Variants in VAV2 observed in about 807,000 individuals in gnomAD.
The protein encoded by VAV2 is guanine nucleotide exchange factor VAV2.
VAV2 carries 67 observed loss-of-function variants against 132.5 expected under a neutral mutation model. That is an observed-to-expected ratio of 0.51 (90% CI 0.42 to 0.62). VAV2 has a LOEUF of 0.62. VAV2 is among the 20% of genes least tolerant of loss of function. The pLI is 0.00. For synonymous variants in VAV2, 492 were observed against 443.5 expected (o/e 1.11, Z -1.37); for missense variants, 938 against 1,153.6 (o/e 0.81, Z 2.71).
chr9:133,983,105 G>T (rs1842749537), intron 1 of VAV2, among the ~76,000 whole-genome samples: 2 of 152,210 alleles, frequency 1.3e-5, no homozygotes, highest in African/African-American at 4.8e-5. Flanking sequence ...ACCTGCTGGG[G>T]CCTCAGCTAG....
At chr9:133,812,297 G>T in intron 4 of VAV2, 81 bp from the exon 5 acceptor site, 1 of 1,406,086 alleles carries the variant, frequency 7.1e-7, no homozygotes, top group Non-Finnish European at 1.0e-6. Context: ...GAGGGTCCAC[G>T]AGGGACGCAG....
At chr9:133,772,221 G>A (rs964872438) in intron 25 of VAV2, among the ~76,000 whole-genome samples, 175 bp from the exon 26 acceptor site, 10 of 152,216 alleles carry the variant, frequency 6.6e-5, no homozygotes, top group Admixed American at 5.9e-4. Flanking sequence ...GCCCCAGACA[G>A]CTCCTGCCAC....
chr9:133,900,032 ATAAAT>A lies in VAV2; in HGVS notation c.322-38605_322-38601del, dbSNP rs1839378128. On this transcript the variant is annotated intron_variant, in intron 2 of 29. Transcript: ENST00000371850. ...CAAGACTCCATCTCAAAAAAAATAA[ATAAAT>A]AAATAAATAAAAATAGCTGGGCATA... Among the ~76,000 whole-genome samples, 24 of 149,396 alleles carry A rather than the reference ATAAAT, an allele frequency of 1.6e-4. No individual in the cohort carries two copies. The South Asian group carries it at 4.3e-3, about 27-fold the overall frequency.
chr9:133,937,913 G>A (rs1840984955), intron 2 of VAV2, among the ~76,000 whole-genome samples: 1 of 152,198 alleles, frequency 6.6e-6, no homozygotes, highest in South Asian at 2.1e-4. Context: ...CTCATGAAGA[G>A]GTCCCCAGAT....
At chr9:133,931,404 G>GC (rs59564273) in intron 2 of VAV2, among the ~76,000 whole-genome samples, 130,900 of 151,994 alleles carry the variant, frequency 0.86, 57,513 homozygotes, top group East Asian at 0.97. Flanking sequence ...CGCCCAGGGG[G>GC]CCCCCCTCCT....
rs551854315 is a variant in VAV2, at chr9:133,884,980, C to G, written c.322-23548G>C. ...CCACAGTGACAGGTGGAGCCTAGAT[C>G]ATTCCAAAGACTCCAAAGATAATGC... On this transcript the variant is annotated intron_variant, in intron 2 of 29. Transcript: ENST00000371850. The surrounding 1 kb of genome is among the most constrained non-coding windows in gnomAD (Gnocchi z 5.3). 2.9e-4 allele frequency among the ~76,000 whole-genome samples: 44 copies of G among 152,162 alleles called. No individual in the cohort carries two copies. Among genetic ancestry groups the G allele is most frequent in the Non-Finnish European group, 5.6e-4 (38 of 67,992 alleles).
At chr9:133,929,518 AG>A (rs1213774934) in intron 2 of VAV2, among the ~76,000 whole-genome samples, 14 of 152,050 alleles carry the variant, frequency 9.2e-5, no homozygotes, top group African/African-American at 3.1e-4. Flanking sequence ...CCACGGGGGT[AG>A]GGGGACCCAA....
intron 3 of VAV2, among the ~76,000 whole-genome samples, chr9:133,842,400 C>T (rs571519716): frequency 6.6e-6 from 1 of 152,256 alleles, no homozygotes; most frequent in Admixed American, 6.5e-5. Context: ...CCTCGAGTTA[C>T]ATCCTGGAGG....
intron 5 of VAV2, among the ~76,000 whole-genome samples, chr9:133,810,654 G>A (rs1292605792): frequency 1.3e-5 from 2 of 152,210 alleles, no homozygotes; most frequent in Admixed American, 6.5e-5. Flanking sequence ...TGTGCAGAGC[G>A]GGACATAGGC....
intron 3 of VAV2, among the ~76,000 whole-genome samples, chr9:133,854,336 T>C (rs148234217): frequency 9.2e-5 from 14 of 152,246 alleles, no homozygotes; most frequent in African/African-American, 3.4e-4. Flanking sequence ...CACATGTACA[T>C]ACACACACGC....
chr9:133,950,269 G>A (rs998804497), intron 1 of VAV2, among the ~76,000 whole-genome samples: 6 of 152,178 alleles, frequency 3.9e-5, no homozygotes, highest in Non-Finnish European at 7.3e-5. Flanking sequence ...CAATTCTGGA[G>A]AAGCCTCATT....
intron 8 of VAV2, among the ~76,000 whole-genome samples, chr9:133,806,719 G>A (rs1443557947): frequency 6.6e-6 from 1 of 152,238 alleles, no homozygotes; most frequent in African/African-American, 2.4e-5. Flanking sequence ...CAGGGAGGCA[G>A]GACACAGCCA....
chr9:133,989,483 G>A (rs1271175132), intron 1 of VAV2, among the ~76,000 whole-genome samples: 3 of 147,914 alleles, frequency 2.0e-5, no homozygotes, highest in Non-Finnish European at 4.4e-5. Context: ...CCGTGCCACC[G>A]CACTCCAGCC....
chr9:133,820,329 CT>C (rs1235525920), intron 4 of VAV2, among the ~76,000 whole-genome samples: 209 of 131,382 alleles, frequency 1.6e-3, no homozygotes, highest in Non-Finnish European at 1.4e-3. Flanking sequence ...TTTTCTTTTT[CT>C]TTTTTTTTTT....
chr9:133,901,436 C>T (rs565687280), intron 2 of VAV2, among the ~76,000 whole-genome samples: 1 of 152,366 alleles, frequency 6.6e-6, no homozygotes, highest in Non-Finnish European at 1.5e-5. Flanking sequence ...GTGTCCTCCC[C>T]GGATCCAGCA....
intron 2 of VAV2, among the ~76,000 whole-genome samples, chr9:133,908,350 C>A (rs1031822334): frequency 6.6e-6 from 1 of 152,110 alleles, no homozygotes. Flanking sequence ...CATTGCCACA[C>A]CCAAAGCTGA....
intron 1 of VAV2, among the ~76,000 whole-genome samples, chr9:133,944,531 G>A (rs749144681): frequency 6.6e-5 from 10 of 152,184 alleles, no homozygotes; most frequent in Non-Finnish European, 1.3e-4. Flanking sequence ...GGATGCTGAC[G>A]TGCACAACAG....
At chr9:133,775,145 C>T in intron 24 of VAV2, 94 bp from the exon 25 acceptor site, 1 of 974,664 alleles carries the variant, frequency 1.0e-6, no homozygotes, top group Non-Finnish European at 1.5e-6. Context: ...ACATGAAGTA[C>T]TCTGCAGTCC....
At chr9:133,889,292 G>A (rs7041512) in intron 2 of VAV2, among the ~76,000 whole-genome samples, 17,119 of 152,192 alleles carry the variant, frequency 0.11, 1,148 homozygotes, top group South Asian at 0.21. Context: ...GGGGGCTCAC[G>A]GGCACGAGCC....
Sources: gnomAD v4.1 joint callset for allele counts (sites outside exome capture counted in the v4.1 genomes callset) on GRCh38, gnomAD v4.1.1 for gene constraint, Gnocchi (gnomAD v3.1) non-coding constraint, MANE v1.5 for transcripts, NCBI Gene and HGNC (gene_info 2026-07-23, HGNC 2026-07-21) for gene names.